LARP4: variants seen among roughly 807,000 people sequenced by gnomAD.
LARP4 encodes the protein La ribonucleoprotein 4.
A neutral mutation model predicts 92.9 loss-of-function variants in LARP4; 29 were observed. The ratio of observed to expected loss-of-function variants is 0.31; its 90% CI spans 0.23 to 0.43. The LOEUF (loss-of-function observed/expected upper bound fraction) is 0.43. Among genes scored for constraint, LARP4 ranks in the 20% least tolerant of loss-of-function variants. The pLI, the probability that LARP4 is intolerant of heterozygous loss-of-function variation, is 1.00. For synonymous variants in LARP4, 279 were observed against 284.1 expected (o/e 0.98, Z 0.18); for missense variants, 732 against 860.0 (o/e 0.85, Z 1.86).
At chr12:50,468,946 G>A (rs935317919) in intron 13 of LARP4, among the ~76,000 whole-genome samples, 3 of 151,660 alleles carry the variant, frequency 2.0e-5, no homozygotes, top group Non-Finnish European at 4.4e-5. Context: ...GCCTAGCTAT[G>A]TTCCTGGGCC....
At chr12:50,426,684 G>GGTGT (rs762987529) in intron 1 of LARP4, among the ~76,000 whole-genome samples, 4,116 of 86,004 alleles carry the variant, frequency 0.048, 184 homozygotes, top group South Asian at 0.061. Context: ...TTATGTTTGG[G>GGTGT]GTGTGTGTGT....
At chr12:50,449,923 ATTTTTTTTTTTTT>A (rs60763691) in intron 8 of LARP4, among the ~76,000 whole-genome samples, 2 of 47,022 alleles carry the variant, frequency 4.3e-5, no homozygotes, top group Non-Finnish European at 7.3e-5. Context: ...AGCCATAGCA[ATTTTTTTTTTTTT>A]TTTTTTTTTT....
chr12:50,475,900 C>T lies in LARP4; in HGVS notation c.*36C>T. The T allele has an allele frequency of 6.4e-7, 1 of 1,567,886 alleles. No individual in the cohort carries two copies. The highest frequency in any genetic ancestry group is 2.2e-5 in the East Asian group (1 of 44,592). On this transcript the variant is annotated 3_prime_UTR_variant, in exon 16 of 16. Coordinates refer to ENST00000398473, the MANE Select transcript of LARP4 (RefSeq NM_052879.5). ...AACTATTCAAAAACTTCACTCTCTTCCCATTAAACTTGAACTGTGGCTATA... is the reference window on the plus strand; with the variant it reads ...AACTATTCAAAAACTTCACTCTCTTTCCATTAAACTTGAACTGTGGCTATA...
chr12:50,441,099 G>A (rs533245736), intron 7 of LARP4, among the ~76,000 whole-genome samples: 6 of 152,040 alleles, frequency 3.9e-5, no homozygotes, highest in East Asian at 3.9e-4. Context: ...TGGTCAGGCC[G>A]GTCTCAAACT....
chr12:50,418,231 C>T (rs1279129880), intron 1 of LARP4, among the ~76,000 whole-genome samples: 1 of 151,914 alleles, frequency 6.6e-6, no homozygotes, highest in Non-Finnish European at 1.5e-5. Context: ...GAACTCCTGA[C>T]CTCAAGTGGA....
At chr12:50,432,965 T>A (rs1377409971) in intron 4 of LARP4, among the ~76,000 whole-genome samples, 2 of 152,092 alleles carry the variant, frequency 1.3e-5, no homozygotes, top group African/African-American at 2.4e-5. Context: ...ACATAGATTT[T>A]ACTGTCTTTT....
At chr12:50,419,255 T>G (rs1208104751) in intron 1 of LARP4, among the ~76,000 whole-genome samples, 1 of 152,106 alleles carries the variant, frequency 6.6e-6, no homozygotes, top group East Asian at 1.9e-4. Context: ...TCCCAGGTAC[T>G]TGGGAGGCTG....
chr12:50,465,129 T>C (rs1279703467), intron 12 of LARP4, among the ~76,000 whole-genome samples: 3 of 149,340 alleles, frequency 2.0e-5, no homozygotes, highest in Admixed American at 6.7e-5. Context: ...CCCAGCACTT[T>C]GGGAGGCCCC....
intron 12 of LARP4, 57 bp from the exon 13 acceptor site, chr12:50,466,898 GTGAC>G: frequency 6.7e-7 from 1 of 1,485,686 alleles, no homozygotes; most frequent in Non-Finnish European, 9.2e-7. Context: ...TTCAGCTTCT[GTGAC>G]ACAGGATTAG....
chr12:50,478,867 A>G lies in LARP4; in HGVS notation c.*3003A>G, dbSNP rs928518865. 8 of 152,200 alleles carry G rather than the reference A, an allele frequency of 5.3e-5. No homozygotes were observed. The highest frequency in any genetic ancestry group is 1.0e-4 in the Non-Finnish European group (7 of 68,014). 9.4% of individuals were successfully genotyped at this position (152,200 alleles called of 1,614,324 possible). A position where few individuals can be genotyped will look rare whatever the true frequency, so the allele number is the denominator to read the frequency against. ...TTTTTTCAGCTGGGTTTTGAGGAATATAAGAGCTTTCAATGATAAAGGTTT... is the reference window on the plus strand; with the variant it reads ...TTTTTTCAGCTGGGTTTTGAGGAATGTAAGAGCTTTCAATGATAAAGGTTT... On this transcript the variant is annotated 3_prime_UTR_variant, in exon 16 of 16. Transcript: ENST00000398473.
intron 1 of LARP4, among the ~76,000 whole-genome samples, chr12:50,406,691 A>G (rs1423523485): frequency 6.6e-6 from 1 of 151,910 alleles, no homozygotes; most frequent in Non-Finnish European, 1.5e-5. Context: ...ATTGTGAAAT[A>G]CATATAACTT....
chr12:50,471,541 T>A (rs1165705515), intron 13 of LARP4, among the ~76,000 whole-genome samples: 1 of 152,250 alleles, frequency 6.6e-6, no homozygotes, highest in Non-Finnish European at 1.5e-5. Context: ...GAGTGTTTTT[T>A]GAGATGGAGT....
At chr12:50,449,684 T>G (rs748605938) in intron 8 of LARP4, among the ~76,000 whole-genome samples, 16 of 152,170 alleles carry the variant, frequency 1.1e-4, no homozygotes, top group Non-Finnish European at 2.1e-4. Flanking sequence ...CTATCTATTT[T>G]TCATTTATTA....
intron 8 of LARP4, among the ~76,000 whole-genome samples, chr12:50,445,340 T>G (rs1175919968): frequency 6.6e-6 from 1 of 152,204 alleles, no homozygotes; most frequent in Non-Finnish European, 1.5e-5. Flanking sequence ...TTCCCCTGTA[T>G]ATGATGTGTC....
chr12:50,411,169 C>T (rs1326405825), intron 1 of LARP4, among the ~76,000 whole-genome samples: 1 of 150,784 alleles, frequency 6.6e-6, no homozygotes, highest in Admixed American at 6.6e-5. Flanking sequence ...TGCATTTTAT[C>T]AAGATCCCTA....
chr12:50,465,255 C>T (rs558910314), intron 12 of LARP4, among the ~76,000 whole-genome samples: 2 of 151,474 alleles, frequency 1.3e-5, no homozygotes, highest in Non-Finnish European at 2.9e-5. Context: ...GCCTGTAGTC[C>T]CAGCTACTCA....
intron 1 of LARP4, among the ~76,000 whole-genome samples, chr12:50,427,023 C>G (rs1329233036): frequency 6.6e-6 from 1 of 152,048 alleles, no homozygotes; most frequent in Non-Finnish European, 1.5e-5. Flanking sequence ...TAGGAATGAA[C>G]CATCGTGCCC....
Position 50,462,586 on chromosome 12 carries a change from A to G in LARP4, c.1339A>G (p.Thr447Ala). Residue 447 changes from threonine to alanine, a missense_variant, in exon 12 of 16, where the codon ACT becomes GCT. Transcript: ENST00000398473. ...CCACCTTTTTCTTATTAAAAGGAGA[A>G]CTCTCTTCAGAGGTCGAAGACGACG... ...QNGDYGRGRR[T>A]LFRGRRRRED... 7.7e-6 allele frequency: 12 copies of G among 1,565,960 alleles called. No homozygotes were observed. The highest frequency in any genetic ancestry group is 1.0e-5 in the Non-Finnish European group (12 of 1,155,868).
rs1251506449 is a variant in LARP4, at chr12:50,479,941, A to T, written c.*4077A>T. The T allele has an allele frequency of 6.6e-6, 1 of 152,548 alleles. No homozygotes were observed. The highest frequency in any genetic ancestry group is 2.4e-5 in the African/African-American group (1 of 41,452). 9.4% of individuals were successfully genotyped at this position (152,548 alleles called of 1,614,324 possible). ...CATCCTTGTATTTGTATTTGTTTTC[A>T]ACATCGCCAAGGTGCTATGGGAAAT... On this transcript the variant is annotated 3_prime_UTR_variant, in exon 16 of 16. Coordinates refer to ENST00000398473, the MANE Select transcript of LARP4 (RefSeq NM_052879.5).
Sources: allele counts gnomAD v4.1 joint callset (sites outside exome capture counted in the v4.1 genomes callset), GRCh38; gene constraint gnomAD v4.1.1; transcripts MANE v1.5; gene names NCBI Gene and HGNC (gene_info 2026-07-23, HGNC 2026-07-21).